TEX2: variants seen among roughly 807,000 people sequenced by gnomAD.
TEX2 encodes testis-expressed protein 2.
TEX2 carries 53 observed loss-of-function variants against 106.9 expected under a neutral mutation model. The observed-to-expected ratio is 0.50, with a 90% CI of 0.40 to 0.62. The LOEUF (loss-of-function observed/expected upper bound fraction) is 0.62, where lower values mean the gene tolerates loss of function less well. Among genes scored for constraint, TEX2 ranks in the 20% least tolerant of loss-of-function variants. The pLI, the probability that TEX2 is intolerant of heterozygous loss-of-function variation, is 0.00. For synonymous variants in TEX2, 523 were observed against 534.8 expected, an observed-to-expected ratio of 0.98 and a Z score of 0.30; for missense variants, 1,207 against 1,379.0, an observed-to-expected ratio of 0.88 and a Z score of 1.98.
Position 64,180,328 on chromosome 17 carries a change from AC to A in TEX2, c.2425-2858del, listed in dbSNP as rs533011947. Reference sequence around the variant, plus strand: ...CAGTTTTAGCACAAAATAGCAAGAAACAAAGGCTATTTCACAATGTATGTCC... The same window carrying A: ...CAGTTTTAGCACAAAATAGCAAGAAAAAAGGCTATTTCACAATGTATGTCC... On this transcript the variant is annotated intron_variant, in intron 5 of 11. Transcript: ENST00000584379. 3.2e-4 allele frequency among the ~76,000 whole-genome samples: 48 copies of A among 152,370 alleles called. 1 individual carries two copies. In the South Asian group the frequency reaches 9.9e-3, roughly 32 times the overall value.
At chr17:64,190,916 G>A (rs759934429) in intron 4 of TEX2, among the ~76,000 whole-genome samples, 25 of 152,158 alleles carry the variant, frequency 1.6e-4, no homozygotes, top group Admixed American at 4.6e-4. Flanking sequence ...GCAGGTCGTC[G>A]AGCAGGAAGA....
At chr17:64,184,252 T>G (rs1422159812) in intron 5 of TEX2, among the ~76,000 whole-genome samples, 1 of 151,948 alleles carries the variant, frequency 6.6e-6, no homozygotes, top group Non-Finnish European at 1.5e-5. Flanking sequence ...CATGCCACTA[T>G]GTCTGGCTAA....
At chr17:64,156,609 A>C (rs899270220) in intron 8 of TEX2, among the ~76,000 whole-genome samples, 2 of 152,240 alleles carry the variant, frequency 1.3e-5, no homozygotes, top group African/African-American at 4.8e-5. Context: ...GAAAGCCTAA[A>C]CCGGGTCTTG....
At chr17:64,227,223 T>C (rs2033530552) in intron 1 of TEX2, among the ~76,000 whole-genome samples, 1 of 73,712 alleles carries the variant, frequency 1.4e-5, no homozygotes. Context: ...AGACTCCGTA[T>C]CAAAAAAAAA....
intron 1 of TEX2, among the ~76,000 whole-genome samples, chr17:64,254,446 G>A (rs938531629): frequency 2.0e-5 from 3 of 152,142 alleles, no homozygotes; most frequent in African/African-American, 7.2e-5. Flanking sequence ...ATGGGCACAT[G>A]GAACTATTTA....
intron 1 of TEX2, among the ~76,000 whole-genome samples, chr17:64,219,448 G>A (rs2033284769): frequency 6.6e-6 from 1 of 151,714 alleles, no homozygotes; most frequent in Non-Finnish European, 1.5e-5. Context: ...GGAGGTTTCA[G>A]TAAGGCAAGA....
At chr17:64,149,117 T>C in intron 11 of TEX2, 26 bp from the exon 12 acceptor site, 1 of 1,610,830 alleles carries the variant, frequency 6.2e-7, no homozygotes, top group South Asian at 1.1e-5. Flanking sequence ...AAAGAACAGC[T>C]ATGTGGAAGA....
intron 1 of TEX2, among the ~76,000 whole-genome samples, chr17:64,247,901 C>T (rs1277109612): frequency 6.6e-6 from 1 of 152,156 alleles, no homozygotes; most frequent in African/African-American, 2.4e-5. Context: ...GATTAAAAAA[C>T]CCAGATGTAC....
intron 1 of TEX2, among the ~76,000 whole-genome samples, chr17:64,216,192 G>A (rs1238544441): frequency 6.6e-6 from 1 of 152,126 alleles, no homozygotes; most frequent in Non-Finnish European, 1.5e-5. Context: ...ACACAGCCTC[G>A]GGTCCAGGAC....
Position 64,172,497 on chromosome 17 carries a change from G to A in TEX2, c.2572-1298C>T, listed in dbSNP as rs80077182. Among the ~76,000 whole-genome samples the A allele has an allele frequency of 4.6e-5, 7 of 152,226 alleles. No individual in the cohort carries two copies. The East Asian group carries it at 1.4e-3, about 29-fold the overall frequency. On this transcript the variant is annotated intron_variant, in intron 6 of 11. Coordinates refer to ENST00000584379, the MANE Select transcript of TEX2 (RefSeq NM_001288732.2). Reference sequence around the variant, plus strand: ...TCTTTTACCCTCCAGCTTCTGGTTGGGCATGGCCAATGGGATACACCAATG... The same window carrying A: ...TCTTTTACCCTCCAGCTTCTGGTTGAGCATGGCCAATGGGATACACCAATG...
chr17:64,240,668 A>C (rs1479605757), intron 1 of TEX2, among the ~76,000 whole-genome samples: 1 of 152,212 alleles, frequency 6.6e-6, no homozygotes, highest in South Asian at 2.1e-4. Context: ...GGAATTCTAC[A>C]AAATTCCTGG....
At chr17:64,222,880 A>G (rs1450716838) in intron 1 of TEX2, among the ~76,000 whole-genome samples, 1 of 152,132 alleles carries the variant, frequency 6.6e-6, no homozygotes, top group Non-Finnish European at 1.5e-5. Context: ...TCTAAACCTT[A>G]GCCTTGATCC....
At chr17:64,170,077 A>G (rs938763441) in intron 7 of TEX2, among the ~76,000 whole-genome samples, 4 of 152,204 alleles carry the variant, frequency 2.6e-5, no homozygotes, top group African/African-American at 9.7e-5. Flanking sequence ...TAAGAGATAC[A>G]AATCCTTACA....
intron 1 of TEX2, among the ~76,000 whole-genome samples, chr17:64,243,032 G>T (rs1343718046): frequency 6.6e-6 from 1 of 151,794 alleles, no homozygotes; most frequent in Non-Finnish European, 1.5e-5. Context: ...AGGTTCAAGC[G>T]ATTCTTCTGC....
chr17:64,177,272 C>T, intron 6 of TEX2, 53 bp downstream of exon 6: 1 of 1,601,996 alleles, frequency 6.2e-7, no homozygotes, highest in Non-Finnish European at 8.5e-7. Flanking sequence ...TACAAAATTT[C>T]CAGAAATGAA....
intron 8 of TEX2, among the ~76,000 whole-genome samples, chr17:64,158,940 CAG>C (rs1479266259): frequency 5.3e-5 from 8 of 152,160 alleles, no homozygotes; most frequent in Admixed American, 3.9e-4. Context: ...CATTTTATAA[CAG>C]ACTGTTCTAG....
intron 1 of TEX2, among the ~76,000 whole-genome samples, chr17:64,227,507 A>G (rs574307845): frequency 2.0e-5 from 3 of 152,336 alleles, no homozygotes; most frequent in South Asian, 4.1e-4. Flanking sequence ...ATGTAAACAC[A>G]TGTCAATCTT....
chr17:64,225,061 A>G (rs1314475853), intron 1 of TEX2, among the ~76,000 whole-genome samples: 1 of 152,290 alleles, frequency 6.6e-6, no homozygotes, highest in Admixed American at 6.5e-5. Flanking sequence ...TGTCCTAAAC[A>G]GATGGTACTT....
At chr17:64,184,925 T>C (rs1053934777) in intron 5 of TEX2, among the ~76,000 whole-genome samples, 1 of 152,256 alleles carries the variant, frequency 6.6e-6, no homozygotes, top group Non-Finnish European at 1.5e-5. Flanking sequence ...TAGCTTCATT[T>C]TTTAACTTAG....
Sources: gnomAD v4.1 joint callset for allele counts (sites outside exome capture counted in the v4.1 genomes callset) on GRCh38, gnomAD v4.1.1 for gene constraint, MANE v1.5 for transcripts, NCBI Gene and HGNC (gene_info 2026-07-23, HGNC 2026-07-21) for gene names.